Variants in CCDC30 observed in about 807,000 individuals in gnomAD.
CCDC30 encodes the protein coiled-coil domain-containing protein 30.
CCDC30 carries 70 observed loss-of-function variants against 100.2 expected under a neutral mutation model. That is an observed-to-expected ratio of 0.70 (90% CI 0.58 to 0.85). The LOEUF is 0.85. CCDC30 is among the 40% of genes least tolerant of loss of function. The pLI is 0.00. For missense variants in CCDC30, 652 were observed against 771.2 expected (o/e 0.85, Z 1.83); for synonymous variants, 233 against 269.5 (o/e 0.86, Z 1.33).
intron 6 of CCDC30, among the ~76,000 whole-genome samples, chr1:42,528,380 A>C (rs1299077246): frequency 6.6e-6 from 1 of 152,192 alleles, no homozygotes; most frequent in Non-Finnish European, 1.5e-5. Flanking sequence ...CGTGTGAAGG[A>C]GGCTTGATAT....
intron 11 of CCDC30, 51 bp downstream of exon 15, chr1:42,611,141 T>A: frequency 8.8e-7 from 1 of 1,133,988 alleles, no homozygotes; most frequent in Non-Finnish European, 1.3e-6. Flanking sequence ...AGTAGTTATT[T>A]CTTGCTGAGC....
At chr1:42,617,203 C>G (rs1646742342) in intron 11 of CCDC30, among the ~76,000 whole-genome samples, 1 of 152,054 alleles carries the variant, frequency 6.6e-6, no homozygotes, top group African/African-American at 2.4e-5. Context: ...CTTTCAGAGG[C>G]CAAGGCAGGA....
intron 6 of CCDC30, among the ~76,000 whole-genome samples, chr1:42,500,899 C>A (rs1160436346): frequency 6.6e-6 from 1 of 152,068 alleles, no homozygotes; most frequent in Admixed American, 6.5e-5. Flanking sequence ...GCCAAGAGTT[C>A]TTTATATATT....
chr1:42,573,635 G>A (rs1307870662), intron 7 of CCDC30, among the ~76,000 whole-genome samples: 4 of 151,990 alleles, frequency 2.6e-5, no homozygotes, highest in African/African-American at 9.7e-5. Flanking sequence ...ACTGGTGACA[G>A]TAGGCATCCT....
chr1:42,569,545 CA>C (rs1182363993), intron 7 of CCDC30, among the ~76,000 whole-genome samples: 3 of 152,162 alleles, frequency 2.0e-5, no homozygotes, highest in African/African-American at 7.2e-5. Flanking sequence ...TAAACTAGTT[CA>C]ACCATTGTGG....
intron 5 of CCDC30, 73 bp downstream of exon 5, chr1:42,497,286 G>A: frequency 2.3e-6 from 2 of 874,138 alleles, no homozygotes; most frequent in Non-Finnish European, 1.5e-6. Flanking sequence ...AGCAACACAG[G>A]TATACAACAT....
rs560983372 is a variant in CCDC30 at position 42,564,534 on chromosome 1, A to G, written c.457-1762A>G. 5.1e-5 allele frequency among the ~76,000 whole-genome samples: 4 copies of G among 78,840 alleles called. No individual in the cohort carries two copies. In the South Asian group the frequency reaches 2.3e-3, roughly 46 times the overall value. The allele number at this position is 78,840 out of a possible 152,430, so 51.7% of individuals were successfully genotyped here. On this transcript the variant is annotated intron_variant, in intron 6 of 16. Coordinates refer to ENST00000668663, the Ensembl canonical transcript of CCDC30. ...TGAACTCCTGACCTCCCAAAGTGCT[A>G]GCATTACAGGCGTGAGCCACCACGC...
At position 42,581,078 on chromosome 1, in the gene CCDC30, C is replaced by T. The variant is rs555108186; in HGVS notation, c.847-282C>T. 54 of 372,378 alleles carry T rather than the reference C, an allele frequency of 1.5e-4. 2 individuals carry two copies. The highest frequency in any genetic ancestry group is 9.8e-4 in the South Asian group (40 of 40,924). 23.1% of individuals were successfully genotyped at this position (372,378 alleles called of 1,614,324 possible). A position where few individuals can be genotyped will look rare whatever the true frequency, so the allele number is the denominator to read the frequency against. ...TGGTCTCGAACTCCTGAGGCTCAAG[C>T]GATTCACCCAGCTCAGCCTCCCACA... On this transcript the variant is annotated intron_variant, in intron 8 of 16. Transcript: ENST00000668663.
At chr1:42,654,110 G>T in exon 17 of CCDC30, 1 of 925,184 alleles carries the variant, frequency 1.1e-6, no homozygotes. Flanking sequence ...ATTGAGAAGA[G>T]TTACCACAGA....
chr1:42,528,410 G>A (rs934083891), intron 6 of CCDC30, among the ~76,000 whole-genome samples: 1 of 152,210 alleles, frequency 6.6e-6, no homozygotes, highest in Non-Finnish European at 1.5e-5. Flanking sequence ...GCCCCACGAT[G>A]AACATAGAAT....
intron 11 of CCDC30, among the ~76,000 whole-genome samples, chr1:42,623,659 C>G (rs961890874): frequency 6.6e-6 from 1 of 152,034 alleles, no homozygotes; most frequent in Non-Finnish European, 1.5e-5. Flanking sequence ...TTTGAAGGCA[C>G]GTAATGTGAT....
intron 11 of CCDC30, among the ~76,000 whole-genome samples, chr1:42,620,619 TC>T (rs999644227): frequency 2.0e-5 from 3 of 150,870 alleles, no homozygotes; most frequent in African/African-American, 7.3e-5. Context: ...CTCAGGAATC[TC>T]CAAGACTCCC....
chr1:42,504,395 T>C (rs972932300), intron 6 of CCDC30, among the ~76,000 whole-genome samples: 2 of 152,160 alleles, frequency 1.3e-5, no homozygotes, highest in South Asian at 2.1e-4. Flanking sequence ...GGGTTTTAGG[T>C]GATGACTCTT....
chr1:42,587,215 CTGA>C (rs1203107125), intron 9 of CCDC30, among the ~76,000 whole-genome samples: 1 of 152,100 alleles, frequency 6.6e-6, no homozygotes, highest in African/African-American at 2.4e-5. Flanking sequence ...CAGGCTGCTC[CTGA>C]ACTTTTGGGC....
At chr1:42,530,225 A>G (rs778552580) in intron 6 of CCDC30, among the ~76,000 whole-genome samples, 5 of 152,190 alleles carry the variant, frequency 3.3e-5, no homozygotes, top group Non-Finnish European at 5.9e-5. Context: ...TCACCTCATT[A>G]TTTAGGCATT....
Position 42,490,192 on chromosome 1 carries a change from CA to C in CCDC30, c.207del (p.Lys69AsnfsTer2). ...TTAAGAAGGCTCAACTAGAAATTGA[CA>C]AATTGAAGGAAAATTTGGTAAAGCT... On this transcript the variant is annotated frameshift_variant, in exon 4 of 17. Transcript: ENST00000668663. LOFTEE classifies it high-confidence loss of function. 1 of 1,210,764 alleles carries C rather than the reference CA, an allele frequency of 8.3e-7. No homozygotes were observed. The highest frequency in any genetic ancestry group is 1.0e-6 in the Non-Finnish European group (1 of 967,242). 75.0% of individuals were successfully genotyped at this position (1,210,764 alleles called of 1,614,324 possible).
At chr1:42,495,824 A>C (rs1030229307) in intron 4 of CCDC30, among the ~76,000 whole-genome samples, 4 of 152,240 alleles carry the variant, frequency 2.6e-5, no homozygotes, top group African/African-American at 9.6e-5. Context: ...AAATTTACAT[A>C]ATTTCTTCCA....
intron 7 of CCDC30, among the ~76,000 whole-genome samples, chr1:42,567,110 A>G (rs2148566127): frequency 6.6e-6 from 1 of 152,328 alleles, no homozygotes; most frequent in South Asian, 2.1e-4. Context: ...TTCAACATTC[A>G]ATATTCATAT....
chr1:42,505,656 G>A (rs1011361655), intron 6 of CCDC30, among the ~76,000 whole-genome samples: 3 of 152,200 alleles, frequency 2.0e-5, no homozygotes, highest in African/African-American at 7.2e-5. Context: ...TGTTCCAGGA[G>A]GAATCTCAAA....
Sources: allele counts gnomAD v4.1 joint callset (sites outside exome capture counted in the v4.1 genomes callset), GRCh38; gene constraint gnomAD v4.1.1; transcripts MANE v1.5; gene names NCBI Gene and HGNC (gene_info 2026-07-23, HGNC 2026-07-21).